Variants in ZNF503 observed in about 807,000 individuals in gnomAD.
The protein encoded by ZNF503 is zinc finger protein 503.
Under a neutral mutation model 34.4 loss-of-function variants are expected in ZNF503, and 15 were observed. The ratio of observed to expected loss-of-function variants is 0.44; its 90% CI spans 0.29 to 0.67. ZNF503 has a LOEUF of 0.67. Ranked by LOEUF, ZNF503 falls within the 30% of genes least tolerant of loss-of-function variation. ZNF503 has a pLI of 0.13. For synonymous variants in ZNF503, 580 were observed against 456.8 expected, an observed-to-expected ratio of 1.27 and a Z score of -3.44; for missense variants, 1,007 against 926.8, an observed-to-expected ratio of 1.09 and a Z score of -1.12.
rs575403442 is a variant in ZNF503, at chr10:75,401,679, G to T, written c.-260C>A. On this transcript the variant is annotated 5_prime_UTR_variant, in exon 1 of 2. Transcript: ENST00000372524. ...CGGGCGGCTCGCGGTGTCCGCCTCG[G>T]GCTGCTCCCCTGCGCTGCGTTCTCG... 1.2e-5 allele frequency: 6 copies of T among 480,208 alleles called. No individual in the cohort carries two copies. The highest frequency in any genetic ancestry group is 7.2e-6 in the Non-Finnish European group (2 of 276,486). 29.7% of individuals were successfully genotyped at this position (480,208 alleles called of 1,614,324 possible). A position where few individuals can be genotyped will look rare whatever the true frequency, so the allele number is the denominator to read the frequency against.
downstream of ZNF503, among the ~76,000 whole-genome samples, chr10:75,393,792 G>A (rs1029168697): frequency 1.5e-4 from 23 of 152,250 alleles, no homozygotes; most frequent in African/African-American, 4.8e-4. Context: ...CCGGGAGGCA[G>A]AGGTTGCAAT....
the ZNF503 span, among the ~76,000 whole-genome samples, chr10:75,290,726 G>T: frequency 1.3e-5 from 2 of 152,238 alleles, no homozygotes; most frequent in African/African-American, 4.8e-5. Context: ...AGGAAGATGA[G>T]AGGAGTTGTC....
chr10:75,336,941 C>A, the ZNF503 span, among the ~76,000 whole-genome samples: 1 of 152,244 alleles, frequency 6.6e-6, no homozygotes, highest in African/African-American at 2.4e-5. Context: ...AGAAAACTCT[C>A]TGCTTTTAAA....
At chr10:75,289,108 A>G in the ZNF503 span, among the ~76,000 whole-genome samples, 1 of 152,146 alleles carries the variant, frequency 6.6e-6, no homozygotes, top group Non-Finnish European at 1.5e-5. Context: ...TGCACTTGTA[A>G]TACTTCTTGC....
the ZNF503 span, among the ~76,000 whole-genome samples, chr10:75,318,253 A>G: frequency 6.6e-6 from 1 of 152,190 alleles, no homozygotes; most frequent in African/African-American, 2.4e-5. Context: ...AGAAAGCCAC[A>G]GTGGCCAAAA....
chr10:75,390,333 CCCT>C, the ZNF503 span, among the ~76,000 whole-genome samples: 3 of 150,738 alleles, frequency 2.0e-5, no homozygotes, highest in African/African-American at 4.9e-5. Context: ...CTTCCTCTTC[CCCT>C]CCTCTTCCTC....
At chr10:75,395,330 G>A (rs1843684257), downstream of ZNF503, among the ~76,000 whole-genome samples, 1 of 152,236 alleles carries the variant, frequency 6.6e-6, no homozygotes, top group Admixed American at 6.5e-5. This position sits in a 1 kb window ranked among gnomAD's most constrained non-coding sequence, Gnocchi z 4.4. Flanking sequence ...CGCAGCAGGA[G>A]AAAAGAAGCG....
the ZNF503 span, among the ~76,000 whole-genome samples, chr10:75,341,435 CT>C: frequency 6.6e-6 from 1 of 151,854 alleles, no homozygotes; most frequent in Non-Finnish European, 1.5e-5. Context: ...TGACTTGTCT[CT>C]TTTTTTTGCT....
rs1445561464 is a variant in ZNF503, at chr10:75,398,025, T to C, written c.*724A>G. On this transcript the variant is annotated 3_prime_UTR_variant, in exon 2 of 2. Coordinates refer to ENST00000372524, the MANE Select transcript of ZNF503 (RefSeq NM_032772.6). ...GTTTTGGAATAGAATTTTTTCTTTT[T>C]CTTTTTTTTTTTGTTGTTTTCTTCC... 6 of 149,394 alleles carry C rather than the reference T, an allele frequency of 4.0e-5. No individual in the cohort carries two copies. The highest frequency in any genetic ancestry group is 3.9e-4 in the East Asian group (2 of 5,186). 9.3% of individuals were successfully genotyped at this position (149,394 alleles called of 1,614,324 possible).
chr10:75,354,869 G>A, the ZNF503 span, among the ~76,000 whole-genome samples: 1,966 of 151,962 alleles, frequency 0.013, 44 homozygotes, highest in African/African-American at 0.045. Flanking sequence ...TTTTTGAGAT[G>A]GAGTCTCACT....
chr10:75,313,202 A>G, the ZNF503 span, among the ~76,000 whole-genome samples: 37,858 of 152,114 alleles, frequency 0.25, 5,731 homozygotes, highest in African/African-American at 0.42. Flanking sequence ...CAAGATGGCA[A>G]AATAGGGGTT....
the ZNF503 span, among the ~76,000 whole-genome samples, chr10:75,352,889 G>A: frequency 6.6e-6 from 1 of 152,184 alleles, no homozygotes; most frequent in African/African-American, 2.4e-5. Context: ...GACCACATGG[G>A]AGCCAGGCCT....
chr10:75,324,692 C>T, the ZNF503 span, among the ~76,000 whole-genome samples: 44,070 of 151,986 alleles, frequency 0.29, 6,571 homozygotes, highest in South Asian at 0.5. Flanking sequence ...AATTCACATA[C>T]CATAATATTC....
At chr10:75,344,825 C>G in the ZNF503 span, among the ~76,000 whole-genome samples, 1 of 152,202 alleles carries the variant, frequency 6.6e-6, no homozygotes, top group African/African-American at 2.4e-5. Context: ...CAGACATCCC[C>G]AAGCTTCGCC....
intron 1 of ZNF503, 68 bp downstream of exon 1, chr10:75,401,037 G>C (rs771988996): frequency 1.2e-6 from 2 of 1,603,726 alleles, no homozygotes; most frequent in South Asian, 2.2e-5. Context: ...CAGATCCCGA[G>C]AAAAAGAAAG....
chr10:75,384,820 C>A, the ZNF503 span, among the ~76,000 whole-genome samples: 1 of 152,216 alleles, frequency 6.6e-6, no homozygotes, highest in African/African-American at 2.4e-5. Flanking sequence ...GGAGGTGATG[C>A]CTCTGGCTAC....
chr10:75,321,951 C>G, the ZNF503 span, among the ~76,000 whole-genome samples: 3 of 152,072 alleles, frequency 2.0e-5, no homozygotes, highest in Admixed American at 1.3e-4. Flanking sequence ...TCTTGTTGTT[C>G]TTCTAGTATC....
the ZNF503 span, among the ~76,000 whole-genome samples, chr10:75,391,278 G>A: frequency 2.0e-5 from 3 of 152,266 alleles, no homozygotes; most frequent in Middle Eastern, 3.4e-3. Context: ...GGAGCGGTGT[G>A]GTATCCAGGA....
At chr10:75,376,130 T>G in the ZNF503 span, among the ~76,000 whole-genome samples, 7 of 152,166 alleles carry the variant, frequency 4.6e-5, no homozygotes, top group East Asian at 7.7e-4. Context: ...CACTTGCTCT[T>G]AAGAAGTGCC....
Sources: gnomAD v4.1 joint callset for allele counts (sites outside exome capture counted in the v4.1 genomes callset) on GRCh38, gnomAD v4.1.1 for gene constraint, Gnocchi (gnomAD v3.1) non-coding constraint, MANE v1.5 for transcripts, NCBI Gene and HGNC (gene_info 2026-07-23, HGNC 2026-07-21) for gene names.